Variants in PCDH15 observed in about 807,000 individuals in gnomAD.
The protein encoded by PCDH15 is protocadherin related 15.
In PCDH15, 129 loss-of-function variants were observed where a neutral mutation model predicts 178.5. The ratio of observed to expected loss-of-function variants is 0.72; its 90% CI spans 0.63 to 0.84. The LOEUF is 0.84. Ranked by LOEUF, PCDH15 falls within the 40% of genes least tolerant of loss-of-function variation. The pLI is 0.00. For missense variants in PCDH15, 2,230 were observed against 2,099.9 expected (o/e 1.06, Z -1.21); for synonymous variants, 800 against 732.0 (o/e 1.09, Z -1.50).
At chr10:55,088,312 A>G (rs2132033049) in intron 2 of PCDH15, among the ~76,000 whole-genome samples, 1 of 151,858 alleles carries the variant, frequency 6.6e-6, no homozygotes, top group South Asian at 2.1e-4. Flanking sequence ...TCTGTTGCCC[A>G]GGCTGGAGTG....
rs765645256 is a variant in PCDH15 at position 55,020,053 on chromosome 10, CCTCT to C, written c.-79-122557_-79-122554del. On this transcript the variant is annotated intron_variant, in intron 2 of 5. Coordinates refer to the PCDH15 transcript ENST00000458638. Reference sequence around the variant, plus strand: ...TAAGTGATACTGAGTGTCTTTATTTCCTCTCAAAGAAAATCGTAGTGGATTAATA... The same window carrying C: ...TAAGTGATACTGAGTGTCTTTATTTCCAAAGAAAATCGTAGTGGATTAATA... Among the ~76,000 whole-genome samples the C allele has an allele frequency of 8.6e-5, 13 of 150,642 alleles. No homozygotes were observed. The East Asian group carries it at 2.5e-3, about 29-fold the overall frequency.
intron 2 of PCDH15, among the ~76,000 whole-genome samples, chr10:55,540,449 T>G (rs1230240140): frequency 1.3e-5 from 2 of 151,964 alleles, no homozygotes; most frequent in Non-Finnish European, 2.9e-5. Context: ...CAATAAAGAA[T>G]GGCAGAGAGA....
chr10:54,256,574 T>C (rs80191308), intron 8 of PCDH15, among the ~76,000 whole-genome samples: 2,578 of 152,300 alleles, frequency 0.017, 68 homozygotes, highest in African/African-American at 0.056. Flanking sequence ...TTGAATACTC[T>C]GTTTTTTGGA....
chr10:54,942,835 T>C (rs886878536), intron 2 of PCDH15, among the ~76,000 whole-genome samples: 2 of 152,032 alleles, frequency 1.3e-5, no homozygotes, highest in African/African-American at 2.4e-5. Flanking sequence ...GCTTCTGTTA[T>C]TGTCATCATA....
chr10:54,141,498 T>G (rs890853959), intron 14 of PCDH15, among the ~76,000 whole-genome samples: 1 of 152,184 alleles, frequency 6.6e-6, no homozygotes, highest in African/African-American at 2.4e-5. Flanking sequence ...AATCAATAAT[T>G]TCAGTTGGTT....
chr10:53,901,034 C>A (rs2082302043), intron 26 of PCDH15, among the ~76,000 whole-genome samples: 1 of 152,130 alleles, frequency 6.6e-6, no homozygotes, highest in African/African-American at 2.4e-5. Context: ...CAATCTTGTT[C>A]TTTCCATGGT....
At chr10:55,212,884 T>G (rs1163303226) in intron 1 of PCDH15, among the ~76,000 whole-genome samples, 1 of 152,102 alleles carries the variant, frequency 6.6e-6, no homozygotes, top group African/African-American at 2.4e-5. Flanking sequence ...TAAAATAAAT[T>G]TTTTTACTTT....
intron 6 of PCDH15, among the ~76,000 whole-genome samples, chr10:54,336,845 G>T (rs1041047041): frequency 6.6e-6 from 1 of 152,130 alleles, no homozygotes; most frequent in Non-Finnish European, 1.5e-5. Context: ...TTTACTGATA[G>T]TTTGCACTGC....
chr10:55,335,525 A>G (rs1240199597), intron 2 of PCDH15, among the ~76,000 whole-genome samples: 1 of 152,224 alleles, frequency 6.6e-6, no homozygotes, highest in Non-Finnish European at 1.5e-5. Flanking sequence ...CAGCTATCAG[A>G]GGTCAGCATG....
At chr10:53,986,415 T>G (rs929591977) in intron 21 of PCDH15, among the ~76,000 whole-genome samples, 3 of 152,200 alleles carry the variant, frequency 2.0e-5, no homozygotes, top group Admixed American at 6.5e-5. Flanking sequence ...AGTATGGGGT[T>G]TCCTCAAAAA....
At chr10:55,259,035 C>A (rs1186657419) in intron 1 of PCDH15, among the ~76,000 whole-genome samples, 1 of 152,112 alleles carries the variant, frequency 6.6e-6, no homozygotes, top group African/African-American at 2.4e-5. Flanking sequence ...ATTGGTCAGG[C>A]AGATGGATTT....
intron 2 of PCDH15, among the ~76,000 whole-genome samples, chr10:55,022,521 C>CTTACCACAAAAA (rs1840356332): frequency 6.6e-6 from 1 of 150,844 alleles, no homozygotes; most frequent in Non-Finnish European, 1.5e-5. Context: ...ATGTGAGGTA[C>CTTACCACAAAAA]TGCATTTGTT....
At chr10:54,823,006 C>T (rs61853518) in intron 3 of PCDH15, among the ~76,000 whole-genome samples, 13,800 of 151,952 alleles carry the variant, frequency 0.091, 1,318 homozygotes, top group East Asian at 0.45. Flanking sequence ...CTCAGCCTCC[C>T]GAGTAGCTGG....
At chr10:54,860,486 C>CT (rs1189445003) in intron 3 of PCDH15, among the ~76,000 whole-genome samples, 2 of 152,126 alleles carry the variant, frequency 1.3e-5, no homozygotes, top group African/African-American at 2.4e-5. Flanking sequence ...TGCTTTCATT[C>CT]TTTTTTTATG....
intron 3 of PCDH15, among the ~76,000 whole-genome samples, chr10:54,895,504 G>T (rs1435922282): frequency 6.6e-6 from 1 of 152,108 alleles, no homozygotes; most frequent in Non-Finnish European, 1.5e-5. Flanking sequence ...TACACTTTCT[G>T]TTCTCTGAAT....
intron 1 of PCDH15, among the ~76,000 whole-genome samples, chr10:55,254,952 TC>T (rs1158766557): frequency 4.8e-5 from 2 of 41,296 alleles, no homozygotes; most frequent in African/African-American, 9.6e-5. Flanking sequence ...TTAAGTCTTT[TC>T]TTTTTTTTTT....
chr10:55,042,015 T>C (rs1487611405), intron 2 of PCDH15, among the ~76,000 whole-genome samples: 1 of 152,114 alleles, frequency 6.6e-6, no homozygotes, highest in Non-Finnish European at 1.5e-5. Flanking sequence ...TTTCATTTGG[T>C]CTTCACTCTA....
chr10:54,462,431 C>A (rs963501301), intron 3 of PCDH15, among the ~76,000 whole-genome samples: 2 of 151,220 alleles, frequency 1.3e-5, no homozygotes, highest in African/African-American at 4.9e-5. Context: ...TTGGAAAATT[C>A]CTTACATCCA....
chr10:55,430,996 G>T (rs185612039), intron 2 of PCDH15, among the ~76,000 whole-genome samples: 2 of 152,232 alleles, frequency 1.3e-5, no homozygotes, highest in Admixed American at 1.3e-4. Context: ...TCACTGGCTG[G>T]AATTTATTTC....
Sources: gnomAD v4.1 joint callset for allele counts (sites outside exome capture counted in the v4.1 genomes callset) on GRCh38, gnomAD v4.1.1 for gene constraint, MANE v1.5 for transcripts, NCBI Gene and HGNC (gene_info 2026-07-23, HGNC 2026-07-21) for gene names.